The following KIR3DL3 variants were observed in gnomAD, a reference collection of about 807,000 sequenced individuals.
KIR3DL3 encodes killer cell immunoglobulin like receptor, three Ig domains and long cytoplasmic tail 3.
A neutral mutation model predicts 34.9 loss-of-function variants in KIR3DL3; 27 were observed. The ratio of observed to expected loss-of-function variants is 0.77; its 90% CI spans 0.57 to 1.07. The LOEUF is 1.07. Ranked by LOEUF, KIR3DL3 falls within the 50% of genes least tolerant of loss-of-function variation. KIR3DL3 has a pLI of 0.00. For synonymous variants in KIR3DL3, 217 were observed against 200.2 expected (o/e 1.08, Z -0.71); for missense variants, 681 against 528.5 (o/e 1.29, Z -2.83).
chr19:54,726,562 G>A (rs1470890338), intron 3 of KIR3DL3, among the ~76,000 whole-genome samples: 1 of 145,796 alleles, frequency 6.9e-6, no homozygotes, highest in Non-Finnish European at 1.5e-5. Flanking sequence ...TAGGGCAGGG[G>A]ACTGAAGAGG....
Position 54,726,291 on chromosome 19 carries a change from C to A in KIR3DL3, c.309C>A (p.Pro103=), listed in dbSNP as rs754931284. 1.9e-6 allele frequency: 3 copies of A among 1,613,952 alleles called. No individual in the cohort carries two copies. The highest frequency in any genetic ancestry group is 1.1e-5 in the South Asian group (1 of 91,052). Reference sequence around the variant, plus strand: ...GTTGCAGTTCACACCCACACTCCCCCACTGGGTGGTCGGCACCCAGCAACC... The same window carrying A: ...GTTGCAGTTCACACCCACACTCCCCAACTGGGTGGTCGGCACCCAGCAACC... ...YRCCSSHPHS[P]TGWSAPSNPV... is the part of the protein sequence containing the mutation. The change falls in exon 3 of 8, where the codon CCC becomes CCA. Residue 103 remains proline (P), a synonymous_variant. Transcript: ENST00000291860.
chr19:54,735,817 C>T lies in KIR3DL3; in HGVS notation c.1055-3C>T. ...CTGTTTTGACGACTTCCGTCTTCTA[C>T]AGATGCTGTTGTAATGGACCAAGAG... is the stretch of plus-strand genomic sequence containing the variant. On this transcript the variant is annotated splice_region_variant and splice_polypyrimidine_tract_variant and intron_variant, in intron 6 of 7. Transcript: ENST00000291860. 2 of 1,608,320 alleles carry T rather than the reference C, an allele frequency of 1.2e-6. No homozygotes were observed. The highest frequency in any genetic ancestry group is 1.7e-6 in the Non-Finnish European group (2 of 1,178,512).
Position 54,729,590 on chromosome 19 carries a change from C to A in KIR3DL3, c.753C>A (p.Asp251Glu). Residue 251 changes from aspartate (D) to glutamate (E), a missense_variant, in exon 5 of 8, where the codon GAC (aspartate) becomes GAA (glutamate). Transcript: ENST00000291860. ...TLSCSSRSLFDIYHLSREAEA... is the reference protein window; with the variant it reads ...TLSCSSRSLFEIYHLSREAEA... ...CCTGCAGCTCCCGGAGCTTGTTTGA[C>A]ATTTACCATCTATCCAGGGAGGCGG... is the stretch of plus-strand genomic sequence containing the variant. 1 of 1,606,676 alleles carries A rather than the reference C, an allele frequency of 6.2e-7. No homozygotes were observed.
At chr19:54,735,128 C>T (rs553883286) in intron 5 of KIR3DL3, 125 bp from the exon 6 acceptor site, 27 of 777,428 alleles carry the variant, frequency 3.5e-5, no homozygotes, top group African/African-American at 1.4e-4. Flanking sequence ...CTAGGTCTCC[C>T]GCCATCTGGG....
chr19:54,734,469 A>T (rs2069208925), intron 5 of KIR3DL3, among the ~76,000 whole-genome samples: 1 of 151,886 alleles, frequency 6.6e-6, no homozygotes, highest in South Asian at 2.1e-4. Context: ...TATGCAGTGT[A>T]TCTGGGGGAA....
intron 2 of KIR3DL3, among the ~76,000 whole-genome samples, chr19:54,725,678 C>T (rs2068083965): frequency 1.3e-5 from 2 of 152,138 alleles, no homozygotes; most frequent in Non-Finnish European, 2.9e-5. Flanking sequence ...TGTCATTCTA[C>T]CTAAGAGGTG....
At chr19:54,732,155 G>A (rs2068869875) in intron 5 of KIR3DL3, among the ~76,000 whole-genome samples, 2 of 152,146 alleles carry the variant, frequency 1.3e-5, no homozygotes, top group South Asian at 2.1e-4. Flanking sequence ...AAATGCGAGG[G>A]CAGAGAATGA....
At position 54,726,300 on chromosome 19, in the gene KIR3DL3, G is replaced by T. The variant is rs2068174036; in HGVS notation, c.318G>T (p.Trp106Cys). Residue 106 changes from tryptophan (W) to cysteine (C), a missense_variant, in exon 3 of 8, where the codon TGG (tryptophan) becomes TGT (cysteine). Physicochemically the swap from Trp to Cys is radical, Grantham distance 215. Transcript: ENST00000291860. The stretch of plus-strand genomic sequence containing the variant: ...CACACCCACACTCCCCCACTGGGTG[G>T]TCGGCACCCAGCAACCCTGTGGTGA... ...CSSHPHSPTGWSAPSNPVVIM... is the reference protein window; with the variant it reads ...CSSHPHSPTGCSAPSNPVVIM... 2 of 1,613,814 alleles carry T rather than the reference G, an allele frequency of 1.2e-6. No individual in the cohort carries two copies. The highest frequency in any genetic ancestry group is 4.5e-5 in the East Asian group (2 of 44,890).
At chr19:54,734,054 T>C (rs913665892) in intron 5 of KIR3DL3, among the ~76,000 whole-genome samples, 2 of 152,202 alleles carry the variant, frequency 1.3e-5, no homozygotes, top group Admixed American at 1.3e-4. Context: ...AAAAGTAGCA[T>C]GTTGTTCCTG....
At chr19:54,730,911 C>T (rs1246235220) in intron 5 of KIR3DL3, among the ~76,000 whole-genome samples, 3 of 152,144 alleles carry the variant, frequency 2.0e-5, no homozygotes, top group South Asian at 4.1e-4. Flanking sequence ...GATGTCACTT[C>T]GATACGCTGA....
In KIR3DL3 at chr19:54,736,289, C is replaced by T. The variant is rs1215726239; in HGVS notation, c.*193C>T. On this transcript the variant is annotated 3_prime_UTR_variant, in exon 8 of 8. Transcript: ENST00000291860. ...TAGGGCATCGCTCTTCCTCACACCA[C>T]GAATCTGAACATGCCTCTCTCTTGC... The T allele has an allele frequency of 4.1e-5, 30 of 740,158 alleles. 1 individual carries two copies. In the Middle Eastern group the frequency reaches 1.7e-3, roughly 43 times the overall value. 45.8% of individuals were successfully genotyped at this position (740,158 alleles called of 1,614,324 possible).
intron 3 of KIR3DL3, among the ~76,000 whole-genome samples, chr19:54,727,306 G>T (rs1031830417): frequency 1.1e-4 from 14 of 123,678 alleles, no homozygotes; most frequent in Admixed American, 2.9e-4. Flanking sequence ...AGCCTGTCAT[G>T]GTTCCTCTTC....
chr19:54,734,433 T>A (rs1368165136), intron 5 of KIR3DL3, among the ~76,000 whole-genome samples: 1 of 151,544 alleles, frequency 6.6e-6, no homozygotes, highest in African/African-American at 2.4e-5. Context: ...TCAGAAAAGC[T>A]GCTCGAGACA....
chr19:54,735,149 A>G (rs368474759), intron 5 of KIR3DL3, 104 bp from the exon 6 acceptor site: 1 of 927,126 alleles, frequency 1.1e-6, no homozygotes, highest in African/African-American at 1.6e-5. Flanking sequence ...TGCTTGTCCT[A>G]AAGAGACGTT....
chr19:54,726,063 C>T lies in KIR3DL3; in HGVS notation c.81C>T (p.Asp27=). ...EGPWPHVGGQ[D]KPFLSAWPGT... ...CTCCTTCTCCCCCAGGTGGTCAGGA[C>T]AAGCCCTTCCTCTCTGCCTGGCCCG... is the stretch of plus-strand genomic sequence containing the variant. The change falls in exon 3 of 8, where the codon GAC becomes GAT. Residue 27 remains aspartate (D), a synonymous_variant. Transcript: ENST00000291860. 1 of 1,611,686 alleles carries T rather than the reference C, an allele frequency of 6.2e-7. No homozygotes were observed. Among genetic ancestry groups the T allele is most frequent in the Non-Finnish European group, 8.5e-7 (1 of 1,178,350 alleles).
intron 5 of KIR3DL3, among the ~76,000 whole-genome samples, chr19:54,733,947 G>C (rs1242677249): frequency 3.9e-5 from 6 of 152,070 alleles, no homozygotes; most frequent in Non-Finnish European, 7.4e-5. Flanking sequence ...CTCACAGAAG[G>C]ACAGGCTGTA....
At chr19:54,729,922 G>T in intron 5 of KIR3DL3, 136 bp downstream of exon 5, 1 of 624,804 alleles carries the variant, frequency 1.6e-6, no homozygotes, top group Non-Finnish European at 2.5e-6. Context: ...CGGGGTCAGG[G>T]CGCAGGATGG....
chr19:54,729,328 G>C (rs1012449048), intron 4 of KIR3DL3, among the ~76,000 whole-genome samples, 165 bp from the exon 5 acceptor site: 1 of 152,154 alleles, frequency 6.6e-6, no homozygotes, highest in Non-Finnish European at 1.5e-5. Context: ...GAGAGACAGA[G>C]AAGGTGGAAG....
At chr19:54,732,890 T>C (rs1301576535) in intron 5 of KIR3DL3, among the ~76,000 whole-genome samples, 1 of 152,020 alleles carries the variant, frequency 6.6e-6, no homozygotes, top group Admixed American at 6.5e-5. Context: ...TGGATTCAAC[T>C]CAGAGCTAAC....
Sources: gnomAD v4.1 joint callset for allele counts (sites outside exome capture counted in the v4.1 genomes callset) on GRCh38, gnomAD v4.1.1 for gene constraint, MANE v1.5 for transcripts, NCBI Gene and HGNC (gene_info 2026-07-23, HGNC 2026-07-21) for gene names.